Variants in PPA2 observed in about 807,000 individuals in gnomAD.
The protein encoded by PPA2 is inorganic pyrophosphatase 2, also known as inorganic pyrophosphatase 2, mitochondrial.
PPA2 carries 48 observed loss-of-function variants against 49.5 expected under a neutral mutation model. The ratio of observed to expected loss-of-function variants is 0.97; its 90% CI spans 0.77 to 1.23. The LOEUF (loss-of-function observed/expected upper bound fraction) is 1.23. Among genes scored for constraint, PPA2 ranks in the 50% most tolerant of loss-of-function variants. PPA2 has a pLI of 0.00. For synonymous variants in PPA2, 131 were observed against 139.9 expected (o/e 0.94, Z 0.45); for missense variants, 429 against 410.1 (o/e 1.05, Z -0.40).
chr4:105,430,650 G>C (rs1723755313), intron 6 of PPA2, among the ~76,000 whole-genome samples: 1 of 152,122 alleles, frequency 6.6e-6, no homozygotes, highest in African/African-American at 2.4e-5. Flanking sequence ...TCTCTAATAT[G>C]ATAAAAGGAC....
chr4:105,433,170 C>T lies in PPA2; in HGVS notation c.528+4780G>A, dbSNP rs945237703. On this transcript the variant is annotated intron_variant, in intron 6 of 11. Transcript: ENST00000341695. ...GGAGAAGTTTTTTTTGAAAAGTATACACCTCATGAAGAATATCCTAAAGGA... is the reference window on the plus strand; with the variant it reads ...GGAGAAGTTTTTTTTGAAAAGTATATACCTCATGAAGAATATCCTAAAGGA... Among the ~76,000 whole-genome samples, 14 of 151,878 alleles carry T rather than the reference C, an allele frequency of 9.2e-5. No homozygotes were observed. The East Asian group carries it at 1.7e-3, about 19-fold the overall frequency.
intron 7 of PPA2, among the ~76,000 whole-genome samples, chr4:105,413,560 G>A (rs1252307423): frequency 6.6e-6 from 1 of 152,128 alleles, no homozygotes; most frequent in Non-Finnish European, 1.5e-5. Flanking sequence ...CTTATTAGAA[G>A]TCTTCATAAT....
intron 7 of PPA2, among the ~76,000 whole-genome samples, chr4:105,404,539 T>G (rs2110402502): frequency 6.6e-6 from 1 of 152,308 alleles, no homozygotes; most frequent in East Asian, 1.9e-4. Flanking sequence ...TAAATTCCAT[T>G]TCTGGTACTT....
At chr4:105,376,532 C>T (rs968402805) in intron 10 of PPA2, among the ~76,000 whole-genome samples, 6 of 152,098 alleles carry the variant, frequency 3.9e-5, no homozygotes, top group Non-Finnish European at 5.9e-5. Flanking sequence ...GGAAATCTGT[C>T]GATGAATAGG....
chr4:105,454,848 G>C (rs115098488), intron 2 of PPA2, among the ~76,000 whole-genome samples: 212 of 152,072 alleles, frequency 1.4e-3, no homozygotes, highest in African/African-American at 4.6e-3. Flanking sequence ...ATCCTCCTTA[G>C]ACAAAATGTT....
At chr4:105,455,077 T>C (rs1365295417) in intron 2 of PPA2, among the ~76,000 whole-genome samples, 6 of 152,238 alleles carry the variant, frequency 3.9e-5, no homozygotes, top group Non-Finnish European at 7.3e-5. Context: ...ACTTGTTTTA[T>C]GGTTGACTCC....
At chr4:105,456,532 T>C (rs1327514212) in intron 2 of PPA2, 149 bp downstream of exon 2, 2 of 600,008 alleles carry the variant, frequency 3.3e-6, no homozygotes, top group East Asian at 5.8e-5. Flanking sequence ...TTTTAATTCA[T>C]ATAGGAGGCT....
intron 3 of PPA2, among the ~76,000 whole-genome samples, chr4:105,453,374 A>T (rs1320049421): frequency 1.3e-5 from 2 of 152,218 alleles, no homozygotes; most frequent in Admixed American, 6.5e-5. Flanking sequence ...ATTGTACTTT[A>T]AAAAAGTTAA....
Position 105,431,938 on chromosome 4 carries a change from G to A in PPA2, c.528+6012C>T, listed in dbSNP as rs148648801. 4.9e-4 allele frequency among the ~76,000 whole-genome samples: 74 copies of A among 152,260 alleles called. 1 individual carries two copies. Among genetic ancestry groups the A allele is most frequent in the African/African-American group, 1.7e-3 (70 of 41,552 alleles). ...CCAGGGGCCAGTTAGAGAATGAAAT[G>A]GGGAGTGACTGCTAATGGGGATGGG... On this transcript the variant is annotated intron_variant, in intron 6 of 11. Coordinates refer to ENST00000341695, the MANE Select transcript of PPA2 (RefSeq NM_176869.3).
intron 1 of PPA2, among the ~76,000 whole-genome samples, chr4:105,464,751 G>T (rs938141578): frequency 2.6e-5 from 4 of 152,148 alleles, no homozygotes; most frequent in African/African-American, 9.7e-5. Context: ...TATGATACAT[G>T]CCCTTCACCT....
chr4:105,442,001 C>G (rs529560386), intron 5 of PPA2, among the ~76,000 whole-genome samples: 2 of 126,290 alleles, frequency 1.6e-5, no homozygotes, highest in South Asian at 4.9e-4. Flanking sequence ...TTCCCACTAC[C>G]ATCACTTTTT....
chr4:105,459,875 A>G (rs527652945), intron 1 of PPA2, among the ~76,000 whole-genome samples: 16 of 152,350 alleles, frequency 1.1e-4, no homozygotes, highest in African/African-American at 3.8e-4. Flanking sequence ...AAGTGCAGTC[A>G]CTGGTTGGTT....
At chr4:105,422,943 G>A (rs1014633860) in intron 7 of PPA2, among the ~76,000 whole-genome samples, 1 of 152,088 alleles carries the variant, frequency 6.6e-6, no homozygotes, top group Non-Finnish European at 1.5e-5. Flanking sequence ...TGAATTAGGT[G>A]GATGATTTGT....
intron 8 of PPA2, among the ~76,000 whole-genome samples, chr4:105,397,027 G>T (rs1195428455): frequency 6.6e-6 from 1 of 152,194 alleles, no homozygotes; most frequent in South Asian, 2.1e-4. Flanking sequence ...TATACCTCTT[G>T]TTGGATATAC....
In PPA2 at chr4:105,402,737, A is replaced by T. The variant is rs559275757; in HGVS notation, c.656-3573T>A. On this transcript the variant is annotated intron_variant, in intron 7 of 11. Transcript: ENST00000341695. ...ATCTGCTGTGTAAAGAAAAGACTAC[A>T]TAGAGGAAAAAATGGAAGCTGGAAG... 2.0e-5 allele frequency among the ~76,000 whole-genome samples: 3 copies of T among 152,280 alleles called. No homozygotes were observed. In the South Asian group the frequency reaches 6.2e-4, roughly 32 times the overall value.
rs1282321668 is a variant in PPA2 at position 105,369,353 on chromosome 4, T to TCTAC, written c.*371_*372insGTAG. The TCTAC allele has an allele frequency of 6.1e-6, 1 of 162,978 alleles. No homozygotes were observed. The allele number at this position is 162,978 out of a possible 1,614,324, so 10.1% of individuals were successfully genotyped here. A position where few individuals can be genotyped will look rare whatever the true frequency, so the allele number is the denominator to read the frequency against. ...AGTTCTTCTGCCTCAGCCTCCTGAGTAGCTGGGTCTACAGGCATGCACCAC... is the reference window on the plus strand; with the variant it reads ...AGTTCTTCTGCCTCAGCCTCCTGAGTCTACAGCTGGGTCTACAGGCATGCACCAC... On this transcript the variant is annotated 3_prime_UTR_variant, in exon 12 of 12. Transcript: ENST00000341695.
intron 1 of PPA2, among the ~76,000 whole-genome samples, chr4:105,470,324 C>T (rs1379635389): frequency 2.6e-5 from 4 of 152,146 alleles, no homozygotes; most frequent in Admixed American, 2.0e-4. Context: ...CCCATTAAAA[C>T]TTTAAGACCT....
In PPA2 at chr4:105,433,113, C is replaced by T. The variant is rs529870865; in HGVS notation, c.528+4837G>A. 3.3e-5 allele frequency among the ~76,000 whole-genome samples: 5 copies of T among 152,238 alleles called. No homozygotes were observed. The East Asian group carries it at 9.6e-4, about 29-fold the overall frequency. ...TTCCTAAAGGAAATCATTCATTTTT[C>T]CCCTTACCATTCTCAGTAAACAAAA... On this transcript the variant is annotated intron_variant, in intron 6 of 11. Transcript: ENST00000341695.
At chr4:105,377,935 C>T (rs1733325968) in intron 10 of PPA2, among the ~76,000 whole-genome samples, 1 of 152,058 alleles carries the variant, frequency 6.6e-6, no homozygotes, top group South Asian at 2.1e-4. Context: ...ATCCATTCAT[C>T]TACTGATGAA....
Sources: gnomAD v4.1 joint callset for allele counts (sites outside exome capture counted in the v4.1 genomes callset) on GRCh38, gnomAD v4.1.1 for gene constraint, MANE v1.5 for transcripts, NCBI Gene and HGNC (gene_info 2026-07-23, HGNC 2026-07-21) for gene names.